The following APOL3 variants were observed in gnomAD, a reference collection of about 807,000 sequenced individuals.
The protein encoded by APOL3 is apolipoprotein L3, also known as TNF-inducible protein CG12-1.
Under a neutral mutation model 11.6 loss-of-function variants are expected in APOL3, and 14 were observed. That is an observed-to-expected ratio of 1.21 (90% CI 0.80 to 1.89). The LOEUF (loss-of-function observed/expected upper bound fraction) is 1.89, where lower values mean the gene tolerates loss of function less well. APOL3 is among the 40% of genes most tolerant of loss of function. The probability of loss-of-function intolerance (pLI) is 0.00; values close to 1 mark genes in which losing one functional copy is unlikely to be tolerated. For missense variants in APOL3, 483 were observed against 492.1 expected, an observed-to-expected ratio of 0.98 and a Z score of 0.17; for synonymous variants, 192 against 190.6, an observed-to-expected ratio of 1.01 and a Z score of -0.06.
exon 3 of APOL3, chr22:36,140,975 C>G: frequency 3.3e-6 from 2 of 599,622 alleles, no homozygotes; most frequent in Non-Finnish European, 5.7e-6. Context: ...TCTCCAGTCC[C>G]CTCTCCTCCC....
chr22:36,164,532 C>G (rs1219884952), upstream of APOL3: 1 of 152,154 alleles, frequency 6.6e-6, no homozygotes, highest in Admixed American at 6.5e-5. Flanking sequence ...ACACTTGTAC[C>G]CTATTTTCCA....
At chr22:36,156,479 T>A (rs377279845) in intron 1 of APOL3, among the ~76,000 whole-genome samples, 7 of 152,266 alleles carry the variant, frequency 4.6e-5, no homozygotes, top group African/African-American at 1.7e-4. Flanking sequence ...CTTTCCTCAC[T>A]GCTCCCTGCC....
intron 1 of APOL3, 123 bp downstream of exon 2, chr22:36,148,923 G>A (rs566827415): frequency 6.2e-6 from 6 of 968,708 alleles, no homozygotes; most frequent in Non-Finnish European, 9.1e-6. Flanking sequence ...TGGGGCTCAG[G>A]GAAGACTCAT....
chr22:36,163,099 A>G (rs909110432), upstream of APOL3, among the ~76,000 whole-genome samples: 1 of 152,170 alleles, frequency 6.6e-6, no homozygotes, highest in South Asian at 2.1e-4. Flanking sequence ...AAACAACTTC[A>G]TTAGGTTGTA....
chr22:36,158,144 A>C (rs2013205872), intron 1 of APOL3, among the ~76,000 whole-genome samples: 1 of 152,218 alleles, frequency 6.6e-6, no homozygotes, highest in Non-Finnish European at 1.5e-5. Context: ...AAAGGCACTC[A>C]AGCTCACTTT....
chr22:36,145,665 A>T, intron 1 of APOL3, 66 bp from the exon 3 acceptor site: 4 of 1,586,100 alleles, frequency 2.5e-6, no homozygotes, highest in Non-Finnish European at 3.4e-6. Flanking sequence ...CATTGAGAAT[A>T]AGGTGGTTCG....
intron 2 of APOL3, 32 bp from the exon 4 acceptor site, chr22:36,142,090 G>A: frequency 6.4e-7 from 1 of 1,557,850 alleles, no homozygotes; most frequent in Non-Finnish European, 8.7e-7. Flanking sequence ...GATTAAGAAA[G>A]GCAGCTTACT....
chr22:36,164,417 G>T (rs908098948), upstream of APOL3, among the ~76,000 whole-genome samples: 1 of 152,132 alleles, frequency 6.6e-6, no homozygotes. Flanking sequence ...AGGACCTGTC[G>T]TCTATCTGTA....
Position 36,160,758 on chromosome 22 carries a change from C to A in APOL3, c.134G>T (p.Gly45Val). The change falls in exon 1 of 3, where the codon GGT (glycine) becomes GTT (valine). Residue 45 changes from glycine to valine, a missense_variant. Physicochemically the swap from Gly to Val is moderately radical, Grantham distance 109. Coordinates refer to ENST00000349314, the Ensembl canonical transcript of APOL3. ...CTCCAGCCGTGCATCTGCATAATAACCAGACACGTTCTCCAGGCTCTGAGA... is the reference window on the plus strand; with the variant it reads ...CTCCAGCCGTGCATCTGCATAATAAACAGACACGTTCTCCAGGCTCTGAGA... 6.2e-7 allele frequency: 1 copy of A among 1,614,158 alleles called. No individual in the cohort carries two copies. Among genetic ancestry groups the A allele is most frequent in the Non-Finnish European group, 8.5e-7 (1 of 1,180,026 alleles).
chr22:36,152,436 T>C (rs1368927353), intron 1 of APOL3, among the ~76,000 whole-genome samples: 1 of 152,206 alleles, frequency 6.6e-6, no homozygotes, highest in Admixed American at 6.5e-5. Context: ...GAACTAAATC[T>C]ACTTGTTACC....
At chr22:36,147,847 G>A (rs1165140331) in intron 1 of APOL3, among the ~76,000 whole-genome samples, 1 of 152,164 alleles carries the variant, frequency 6.6e-6, no homozygotes, top group Admixed American at 6.5e-5. Flanking sequence ...CAGGCCTTCA[G>A]AAAGGCTGTA....
intron 1 of APOL3, among the ~76,000 whole-genome samples, chr22:36,160,248 C>T (rs1023225503): frequency 2.6e-5 from 4 of 152,176 alleles, no homozygotes; most frequent in African/African-American, 9.7e-5. Context: ...ACCCTGGGGC[C>T]AGCCTCAGGG....
At chr22:36,143,962 C>A (rs2146747457) in intron 2 of APOL3, among the ~76,000 whole-genome samples, 1 of 152,246 alleles carries the variant, frequency 6.6e-6, no homozygotes, top group South Asian at 2.1e-4. Flanking sequence ...TCCTGAGAAC[C>A]CTTCAAATTA....
chr22:36,147,537 A>G (rs901039227), intron 1 of APOL3, among the ~76,000 whole-genome samples: 10 of 152,148 alleles, frequency 6.6e-5, no homozygotes, highest in African/African-American at 2.4e-4. Context: ...CCCTCTCCTC[A>G]TCTTGGACAG....
chr22:36,141,950 C>A (rs1453603644), exon 3 of APOL3: 1 of 1,614,214 alleles, frequency 6.2e-7, no homozygotes, highest in East Asian at 2.2e-5. Context: ...GAAACTCTTT[C>A]AAAAACCATT....
At chr22:36,149,429 G>T (rs1024802351) in intron 1 of APOL3, 5 of 1,281,362 alleles carry the variant, frequency 3.9e-6, no homozygotes, top group Non-Finnish European at 5.2e-6. Context: ...GATAATCACA[G>T]AAACTACAGA....
intron 1 of APOL3, among the ~76,000 whole-genome samples, chr22:36,148,248 G>T (rs1257399774): frequency 2.0e-5 from 3 of 152,228 alleles, no homozygotes; most frequent in Non-Finnish European, 4.4e-5. Context: ...CCCTGCCTGA[G>T]GCAGTCATCC....
chr22:36,145,359 A>G (rs2060153802), intron 2 of APOL3, 114 bp downstream of exon 3: 1 of 1,346,360 alleles, frequency 7.4e-7, no homozygotes, highest in African/African-American at 1.5e-5. Flanking sequence ...GACATTCTCA[A>G]GTTCAGCAGA....
At chr22:36,148,379 C>G (rs2060295479) in intron 1 of APOL3, among the ~76,000 whole-genome samples, 1 of 152,198 alleles carries the variant, frequency 6.6e-6, no homozygotes, top group Admixed American at 6.5e-5. Context: ...TTAGGGAGGC[C>G]CTACTGTGTG....
Sources: allele counts gnomAD v4.1 joint callset (sites outside exome capture counted in the v4.1 genomes callset), GRCh38; gene constraint gnomAD v4.1.1; transcripts MANE v1.5; gene names NCBI Gene and HGNC (gene_info 2026-07-23, HGNC 2026-07-21).